Variants in HECTD4 observed in about 807,000 individuals in gnomAD.
The protein encoded by HECTD4 is probable E3 ubiquitin-protein ligase HECTD4.
Under a neutral mutation model 471.5 loss-of-function variants are expected in HECTD4, and 114 were observed. The ratio of observed to expected loss-of-function variants is 0.24; its 90% CI spans 0.21 to 0.28. HECTD4 has a LOEUF of 0.28. HECTD4 is among the 10% of genes least tolerant of loss of function. The pLI, the probability that HECTD4 is intolerant of heterozygous loss-of-function variation, is 1.00. For missense variants in HECTD4, 3,866 were observed against 5,651.5 expected (o/e 0.68, Z 10.13); for synonymous variants, 2,012 against 2,256.0 (o/e 0.89, Z 3.07).
intron 1 of HECTD4, among the ~76,000 whole-genome samples, chr12:112,353,266 A>T (rs1396831082): frequency 6.6e-6 from 1 of 152,234 alleles, no homozygotes; most frequent in African/African-American, 2.4e-5. Context: ...GGCAACTTAA[A>T]GAACAGGTGA....
intron 1 of HECTD4, among the ~76,000 whole-genome samples, chr12:112,325,738 G>A (rs2035728636): frequency 6.6e-6 from 1 of 151,982 alleles, no homozygotes; most frequent in Non-Finnish European, 1.5e-5. Context: ...CCCTAATTAA[G>A]GGAGTGACTG....
Position 112,369,749 on chromosome 12 carries a change from G to A in HECTD4, c.177+12203C>T, listed in dbSNP as rs11066278. On this transcript the variant is annotated intron_variant, in intron 1 of 75. Transcript: ENST00000682272. ...GACTATAATTGGTAATCACACAGGA[G>A]GGCAATTTGGTAGTATCTATTAAAA... Among the ~76,000 whole-genome samples, 8,461 of 152,126 alleles carry A rather than the reference G, an allele frequency of 0.056. 1,289 individuals carry two copies. In the East Asian group the frequency reaches 0.61, roughly 11 times the overall value.
chr12:112,193,584 T>A lies in HECTD4; in HGVS notation c.8840A>T (p.Tyr2947Phe). 1 of 1,612,972 alleles carries A rather than the reference T, an allele frequency of 6.2e-7. No homozygotes were observed. Among genetic ancestry groups the A allele is most frequent in the Non-Finnish European group, 8.5e-7 (1 of 1,179,572 alleles). ...SQNCSATDLFYQGNSQTVREW... is the reference protein window; with the variant it reads ...SQNCSATDLFFQGNSQTVREW... Reference sequence around the variant, plus strand: ...TCTCACTGTCTGGGAGTTGCCCTGGTAAAAGAGGTCCGTGGCGGAGCAGTT... The same window carrying A: ...TCTCACTGTCTGGGAGTTGCCCTGGAAAAAGAGGTCCGTGGCGGAGCAGTT... Residue 2947 changes from tyrosine (Y) to phenylalanine (F), a missense_variant, in exon 57 of 76, where the codon TAC (tyrosine) becomes TTC (phenylalanine). Tyr to Phe is a conservative substitution (Grantham distance 22, BLOSUM62 3). Around this residue, in one of 16 missense-constraint regions of HECTD4, gnomAD observed 364 missense variants for 413.2 expected, o/e 0.88. Coordinates refer to ENST00000682272, the MANE Select transcript of HECTD4 (RefSeq NM_001388303.1). The surrounding 1 kb of genome is among the most constrained non-coding windows in gnomAD (Gnocchi z 5.2).
In HECTD4 at chr12:112,193,765, G is replaced by T; in HGVS notation, c.8750-91C>A. Reference sequence around the variant, plus strand: ...TAACAGAAAATGAATAACCCATCCAGAAACCCCAGATGGGAGGGTTATCCT... The same window carrying T: ...TAACAGAAAATGAATAACCCATCCATAAACCCCAGATGGGAGGGTTATCCT... On this transcript the variant is annotated intron_variant, in intron 56 of 75. Coordinates refer to ENST00000682272, the MANE Select transcript of HECTD4 (RefSeq NM_001388303.1). This position sits in a 1 kb window ranked among gnomAD's most constrained non-coding sequence, Gnocchi z 5.2. 8.8e-7 allele frequency: 1 copy of T among 1,139,878 alleles called. No individual in the cohort carries two copies. The allele number at this position is 1,139,878 out of a possible 1,614,324, so 70.6% of individuals were successfully genotyped here.
intron 37 of HECTD4, 112 bp from the exon 38 acceptor site, chr12:112,233,197 G>C: frequency 1.4e-5 from 7 of 491,498 alleles, no homozygotes; most frequent in East Asian, 4.2e-5. Flanking sequence ...ACTAACATTA[G>C]CTTACACTAA....
chr12:112,349,964 C>CT (rs781682210), intron 1 of HECTD4, among the ~76,000 whole-genome samples: 81 of 151,556 alleles, frequency 5.3e-4, no homozygotes, highest in Admixed American at 1.3e-3. Flanking sequence ...TTTTCTTTTT[C>CT]TTTTTTTTGA....
chr12:112,164,392 G>T, intron 72 of HECTD4, 117 bp from the exon 73 acceptor site: 1 of 1,068,558 alleles, frequency 9.4e-7, no homozygotes, highest in Non-Finnish European at 1.3e-6. Context: ...CGGCCGTGTA[G>T]ATGAGCATGT....
chr12:112,372,977 T>C (rs1324619645), intron 1 of HECTD4, among the ~76,000 whole-genome samples: 1 of 151,966 alleles, frequency 6.6e-6, no homozygotes, highest in African/African-American at 2.4e-5. Flanking sequence ...AGGCTGGTCT[T>C]GAACTCCAGT....
chr12:112,270,660 A>G (rs1030456364), intron 11 of HECTD4, among the ~76,000 whole-genome samples: 41 of 152,352 alleles, frequency 2.7e-4, no homozygotes, highest in African/African-American at 9.4e-4. Context: ...TGTTTGGAAC[A>G]TAAGTAGCTA....
rs564364009 is a variant in HECTD4 at position 112,315,917 on chromosome 12, A to G, written c.696-1371T>C. ...TCTTAAAAAAAAAAAAAAAAAAAAA[A>G]AGAGAGACAGGGTCTCATTATGTTG... On this transcript the variant is annotated intron_variant, in intron 2 of 75. Coordinates refer to ENST00000682272, the MANE Select transcript of HECTD4 (RefSeq NM_001388303.1). Among the ~76,000 whole-genome samples the G allele has an allele frequency of 1.3e-3, 204 of 151,356 alleles. 1 individual carries two copies. Among genetic ancestry groups the G allele is most frequent in the African/African-American group, 4.0e-3 (165 of 41,308 alleles).
At chr12:112,307,302 T>C (rs2035287262) in intron 6 of HECTD4, among the ~76,000 whole-genome samples, 1 of 152,248 alleles carries the variant, frequency 6.6e-6, no homozygotes, top group African/African-American at 2.4e-5. Context: ...AACCATACTT[T>C]GAACCTACAG....
intron 1 of HECTD4, among the ~76,000 whole-genome samples, chr12:112,323,703 TG>T (rs1000425639): frequency 1.5e-4 from 23 of 151,846 alleles, no homozygotes; most frequent in Middle Eastern, 3.4e-3. Context: ...GGAGTTTTTT[TG>T]GGGGGGTTGA....
At position 112,265,279 on chromosome 12, in the gene HECTD4, A is replaced by G. The variant is rs369228621; in HGVS notation, c.2515T>C (p.Leu839=). The change falls in exon 16 of 76, where the codon TTA becomes CTA. Residue 839 remains leucine, a synonymous_variant. Coordinates refer to ENST00000682272, the MANE Select transcript of HECTD4 (RefSeq NM_001388303.1). ...DDHYRLNDEL[L]HYILKIVVRE... ...ACAACAATCTTCAGAATGTAGTGTAAAAGTTCATCATTTAGTCTTTAAAAT... is the reference window on the plus strand; with the variant it reads ...ACAACAATCTTCAGAATGTAGTGTAGAAGTTCATCATTTAGTCTTTAAAAT... 9.9e-5 allele frequency: 155 copies of G among 1,570,724 alleles called. No individual in the cohort carries two copies. Among genetic ancestry groups the G allele is most frequent in the Non-Finnish European group, 1.3e-4 (146 of 1,151,060 alleles).
intron 6 of HECTD4, among the ~76,000 whole-genome samples, chr12:112,307,559 T>C (rs542431174): frequency 6.6e-6 from 1 of 152,368 alleles, no homozygotes; most frequent in South Asian, 2.1e-4. Flanking sequence ...TTCTCATCTG[T>C]CTGCACTTGT....
rs572276167 is a variant in HECTD4, at chr12:112,187,920, C to T, written c.9473-2427G>A. 2.6e-5 allele frequency among the ~76,000 whole-genome samples: 4 copies of T among 151,962 alleles called. No homozygotes were observed. In the East Asian group the frequency reaches 5.8e-4, roughly 22 times the overall value. ...GGATTACAGGCATGAGCCACTGTGC[C>T]CAGCCAAGGTTTCCTTAAAACTAAA... On this transcript the variant is annotated intron_variant, in intron 60 of 75. Transcript: ENST00000682272.
intron 47 of HECTD4, among the ~76,000 whole-genome samples, 163 bp downstream of exon 47, chr12:112,216,610 A>C (rs1222483991): frequency 6.6e-6 from 1 of 152,218 alleles, no homozygotes; most frequent in Non-Finnish European, 1.5e-5. Context: ...ACTAGGAAGG[A>C]ATCTTACTAA....
chr12:112,231,094 T>C, intron 39 of HECTD4: 1 of 468,000 alleles, frequency 2.1e-6, no homozygotes, highest in Non-Finnish European at 3.8e-6. Context: ...ATTGCAACTA[T>C]TCCTGGCTTT....
intron 72 of HECTD4, among the ~76,000 whole-genome samples, chr12:112,165,493 A>AG (rs1158252778): frequency 2.0e-5 from 3 of 151,278 alleles, no homozygotes; most frequent in Non-Finnish European, 4.4e-5. Context: ...CTGGGACTAC[A>AG]GGCGCCCGCC....
At chr12:112,362,106 G>C (rs548323804) in intron 1 of HECTD4, among the ~76,000 whole-genome samples, 1 of 152,284 alleles carries the variant, frequency 6.6e-6, no homozygotes, top group East Asian at 1.9e-4. Context: ...GAGGGCCTTT[G>C]AATTCATTAC....
Sources: allele counts gnomAD v4.1 joint callset (sites outside exome capture counted in the v4.1 genomes callset), GRCh38; gene constraint gnomAD v4.1.1; regional missense constraint gnomAD v4.1.1; non-coding constraint Gnocchi (gnomAD v3.1); transcripts MANE v1.5; gene names NCBI Gene and HGNC (gene_info 2026-07-23, HGNC 2026-07-21).